The following DOCK11 variants were observed in gnomAD, a reference collection of about 807,000 sequenced individuals.
DOCK11 encodes the protein dedicator of cytokinesis protein 11.
Under a neutral mutation model 169.1 loss-of-function variants are expected in DOCK11, and 70 were observed. The observed-to-expected ratio is 0.41, with a 90% CI of 0.34 to 0.51. The LOEUF (loss-of-function observed/expected upper bound fraction) is 0.51, where lower values mean the gene tolerates loss of function less well. DOCK11 is among the 20% of genes least tolerant of loss of function. The pLI is 0.10. For missense variants in DOCK11, 1,166 were observed against 1,538.8 expected (o/e 0.76, Z 4.05); for synonymous variants, 529 against 541.3 (o/e 0.98, Z 0.32).
rs190345721 is a variant in DOCK11 at position 118,509,821 on chromosome X, G to A, written c.102+13748G>A. Among the ~76,000 whole-genome samples, 6 of 112,321 alleles carry A rather than the reference G, an allele frequency of 5.3e-5. No individual in the cohort carries two copies. In the East Asian group the frequency reaches 1.7e-3, roughly 31 times the overall value. ...CTCACTTCCTCCAGAAGCTGTAGGG[G>A]AGGATCCATTGCCTGGTCTCTTCCA... On this transcript the variant is annotated intron_variant, in intron 1 of 52. Coordinates refer to ENST00000276202, the MANE Select transcript of DOCK11 (RefSeq NM_144658.4).
intron 13 of DOCK11, 33 bp downstream of exon 13, chrX:118,578,680 C>T: frequency 6.0e-6 from 7 of 1,167,359 alleles, no homozygotes; most frequent in Non-Finnish European, 8.1e-6. Context: ...CAACATTTCA[C>T]CTTAACGTAG....
Position 118,564,685 on chromosome X carries a change from C to G in DOCK11, c.694-1320C>G, listed in dbSNP as rs771973967. ...TTGCTAGCTTTCTTTCTTTCTTTCTCTTTCTTTCTTTCTGTTTCTTTCTCT... is the reference window on the plus strand; with the variant it reads ...TTGCTAGCTTTCTTTCTTTCTTTCTGTTTCTTTCTTTCTGTTTCTTTCTCT... On this transcript the variant is annotated intron_variant, in intron 7 of 52. Coordinates refer to ENST00000276202, the MANE Select transcript of DOCK11 (RefSeq NM_144658.4). 9.8e-5 allele frequency among the ~76,000 whole-genome samples: 10 copies of G among 102,129 alleles called. No individual in the cohort carries two copies. The East Asian group carries it at 1.7e-3, about 17-fold the overall frequency. The allele number at this position is 102,129 out of a possible 115,157, so 88.7% of individuals were successfully genotyped here. A position where few individuals can be genotyped will look rare whatever the true frequency, so the allele number is the denominator to read the frequency against.
At chrX:118,538,052 T>C (rs949947623) in intron 1 of DOCK11, among the ~76,000 whole-genome samples, 1 of 112,026 alleles carries the variant, frequency 8.9e-6, no homozygotes, top group Admixed American at 9.5e-5. Context: ...GATAGAAAAA[T>C]GCAATTTATT....
At chrX:118,513,157 C>G (rs1313933666) in intron 1 of DOCK11, among the ~76,000 whole-genome samples, 7 of 112,096 alleles carry the variant, frequency 6.2e-5, no homozygotes, top group Non-Finnish European at 1.1e-4. Context: ...CTTCTCTCCC[C>G]TTCTCATCTT....
chrX:118,614,640 T>C, intron 28 of DOCK11, 52 bp from the exon 29 acceptor site: 1 of 900,722 alleles, frequency 1.1e-6, no homozygotes, highest in East Asian at 3.2e-5. Context: ...TTTTAAAATT[T>C]AGACTTTTAG....
rs7341940 is a variant in DOCK11 at position 118,661,479 on chromosome X, C to T, written c.4970-1207C>T. On this transcript the variant is annotated intron_variant, in intron 44 of 52. Coordinates refer to ENST00000276202, the MANE Select transcript of DOCK11 (RefSeq NM_144658.4). ...GGTCTGATTTTTTTTTTAAACCTTCCTTCTTCCTTCCCCAACCTCTAACAG... is the reference window on the plus strand; with the variant it reads ...GGTCTGATTTTTTTTTTAAACCTTCTTTCTTCCTTCCCCAACCTCTAACAG... Among the ~76,000 whole-genome samples the T allele has an allele frequency of 3.6e-5, 4 of 111,025 alleles. No individual in the cohort carries two copies. The East Asian group carries it at 1.1e-3, about 31-fold the overall frequency.
intron 14 of DOCK11, 27 bp from the exon 15 acceptor site, chrX:118,584,708 A>T (rs193166465): frequency 4.3e-4 from 469 of 1,081,225 alleles, no homozygotes; most frequent in Middle Eastern, 1.7e-3. Context: ...TTTTTTTTTT[A>T]AAAAAATGCT....
At chrX:118,617,191 C>T (rs2014839095) in intron 30 of DOCK11, among the ~76,000 whole-genome samples, 1 of 111,424 alleles carries the variant, frequency 9.0e-6, no homozygotes, top group African/African-American at 3.3e-5. Flanking sequence ...AGAAATCTAC[C>T]ACAGAAATTA....
At position 118,672,716 on chromosome X, in the gene DOCK11, T is replaced by C. The variant is rs142335684; in HGVS notation, c.5199+1571T>C. Among the ~76,000 whole-genome samples, 7 of 113,251 alleles carry C rather than the reference T, an allele frequency of 6.2e-5. No individual in the cohort carries two copies. In the South Asian group the frequency reaches 2.1e-3, roughly 34 times the overall value. On this transcript the variant is annotated intron_variant, in intron 46 of 52. Transcript: ENST00000276202. Reference sequence around the variant, plus strand: ...TCCCAAAGTGCTGGGATTACAGGCGTGAGCCACCGTGCCCGGCCTGGCCAT... The same window carrying C: ...TCCCAAAGTGCTGGGATTACAGGCGCGAGCCACCGTGCCCGGCCTGGCCAT...
Position 118,495,856 on chromosome X carries a change from G to C in DOCK11, c.-116G>C. On this transcript the variant is annotated 5_prime_UTR_variant, in exon 1 of 53. Transcript: ENST00000276202. ...CCGCCGAGCTGCGATGTGGCCGGCCGGCCGGCGAGTAAACAGAGGGAGCAG... is the reference window on the plus strand; with the variant it reads ...CCGCCGAGCTGCGATGTGGCCGGCCCGCCGGCGAGTAAACAGAGGGAGCAG... 3.5e-6 allele frequency: 1 copy of C among 289,726 alleles called. No individual in the cohort carries two copies. The highest frequency in any genetic ancestry group is 5.0e-6 in the Non-Finnish European group (1 of 199,873). 23.9% of individuals were successfully genotyped at this position (289,726 alleles called of 1,213,427 possible).
chrX:118,566,536 T>C (rs1384232668), intron 8 of DOCK11, 38 bp from the exon 9 acceptor site: 1 of 1,159,604 alleles, frequency 8.6e-7, no homozygotes, highest in Admixed American at 2.2e-5. Context: ...AGTAATGGTC[T>C]GTATGGTTTA....
chrX:118,589,996 A>G (rs905339751), intron 18 of DOCK11, among the ~76,000 whole-genome samples: 3 of 112,425 alleles, frequency 2.7e-5, no homozygotes, highest in African/African-American at 9.7e-5. Context: ...ATGGCTGGAA[A>G]TTCAGAAGCA....
intron 31 of DOCK11, among the ~76,000 whole-genome samples, chrX:118,622,738 A>G (rs1022276315): frequency 6.2e-5 from 7 of 112,165 alleles, no homozygotes; most frequent in African/African-American, 2.3e-4. Context: ...GTAATCAAGT[A>G]GCTAGTAATG....
At chrX:118,685,545 T>C (rs1489265105) in intron 52 of DOCK11, 143 bp from the exon 53 acceptor site, 18 of 760,674 alleles carry the variant, frequency 2.4e-5, no homozygotes, top group Non-Finnish European at 3.3e-5. Context: ...TCGGTAATGT[T>C]ATTCTTTGCT....
intron 16 of DOCK11, 109 bp from the exon 17 acceptor site, chrX:118,588,028 T>C: frequency 1.3e-6 from 1 of 757,269 alleles, no homozygotes; most frequent in South Asian, 4.0e-5. Flanking sequence ...AATTATGTTT[T>C]TTAAATCGCT....
chrX:118,649,101 A>G lies in DOCK11; in HGVS notation c.4555A>G (p.Lys1519Glu). Residue 1519 changes from lysine (K) to glutamate (E), a missense_variant, in exon 41 of 53, where the codon AAA becomes GAA. Transcript: ENST00000276202. ...AAACAACTTTGAGTATACCAAAAGG[A>G]AAACCTTTTTGAGGACACATCTACA... ...MRNNFEYTKR[K>E]TFLRTHLQII... is the part of the protein sequence containing the mutation. 1 of 1,202,005 alleles carries G rather than the reference A, an allele frequency of 8.3e-7. No homozygotes were observed. The highest frequency in any genetic ancestry group is 1.1e-6 in the Non-Finnish European group (1 of 892,020).
intron 1 of DOCK11, among the ~76,000 whole-genome samples, chrX:118,540,721 C>A (rs189268843): frequency 9.0e-6 from 1 of 111,639 alleles, no homozygotes; most frequent in Non-Finnish European, 1.9e-5. Flanking sequence ...TAGCTGTGAC[C>A]TGTTGTGAAC....
In DOCK11 at chrX:118,635,830, C is replaced by T. The variant is rs187749244; in HGVS notation, c.3887-516C>T. On this transcript the variant is annotated intron_variant, in intron 35 of 52. Transcript: ENST00000276202. ...CTCGAGCTCCTGACCTCAAGTGATA[C>T]GCCCACCTTGGCCTCCCAAAGTGCT... Among the ~76,000 whole-genome samples, 5 of 111,885 alleles carry T rather than the reference C, an allele frequency of 4.5e-5. No individual in the cohort carries two copies. The East Asian group carries it at 8.4e-4, about 19-fold the overall frequency.
intron 1 of DOCK11, among the ~76,000 whole-genome samples, chrX:118,522,196 T>G (rs1039482515): frequency 8.1e-5 from 9 of 110,666 alleles, no homozygotes; most frequent in Non-Finnish European, 1.3e-4. Flanking sequence ...GGCGGGCACC[T>G]GTAGTCCCAG....
Sources: allele counts gnomAD v4.1 joint callset (sites outside exome capture counted in the v4.1 genomes callset), GRCh38; gene constraint gnomAD v4.1.1; transcripts MANE v1.5; gene names NCBI Gene and HGNC (gene_info 2026-07-23, HGNC 2026-07-21).